The following SLC14A2 variants were observed in gnomAD, a reference collection of about 807,000 sequenced individuals.
The protein encoded by SLC14A2 is urea transporter 2.
A neutral mutation model predicts 104.6 loss-of-function variants in SLC14A2; 91 were observed. That is an observed-to-expected ratio of 0.87 (90% CI 0.73 to 1.04). SLC14A2 has a LOEUF of 1.04. Among genes scored for constraint, SLC14A2 ranks in the 50% least tolerant of loss-of-function variants. The pLI, the probability that SLC14A2 is intolerant of heterozygous loss-of-function variation, is 0.00. For synonymous variants in SLC14A2, 476 were observed against 466.4 expected (o/e 1.02, Z -0.27); for missense variants, 1,189 against 1,156.0 (o/e 1.03, Z -0.41).
At position 45,682,581 on chromosome 18, in the gene SLC14A2, G is replaced by A; in HGVS notation, c.*62G>A. The A allele has an allele frequency of 1.5e-6, 2 of 1,379,228 alleles. No homozygotes were observed. Among genetic ancestry groups the A allele is most frequent in the Non-Finnish European group, 2.1e-6 (2 of 966,800 alleles). The allele number at this position is 1,379,228 out of a possible 1,614,324, so 85.4% of individuals were successfully genotyped here. ...CTTCAGCACGCCGTCCAGATCCCCA[G>A]GATAAGAGACCACTTAGCCTTCCCT... On this transcript the variant is annotated 3_prime_UTR_variant, in exon 20 of 20. Transcript: ENST00000255226.
At chr18:45,357,722 C>A (rs937738571) in intron 1 of SLC14A2, among the ~76,000 whole-genome samples, 1 of 152,132 alleles carries the variant, frequency 6.6e-6, no homozygotes, top group South Asian at 2.1e-4. Flanking sequence ...TGAGCCATCC[C>A]TCCAGGGCTC....
At chr18:45,384,628 G>C (rs2430887) in intron 1 of SLC14A2, among the ~76,000 whole-genome samples, 1 of 150,882 alleles carries the variant, frequency 6.6e-6, no homozygotes, top group Non-Finnish European at 1.5e-5. Context: ...AACTACCCCC[G>C]CCCCCAACCA....
At chr18:45,673,656 A>T (rs779368408) in intron 17 of SLC14A2, 27 bp from the exon 18 acceptor site, 7 of 1,611,440 alleles carry the variant, frequency 4.3e-6, no homozygotes, top group Non-Finnish European at 5.9e-6. Flanking sequence ...CCCTAGACCC[A>T]ACCCTGATGC....
intron 2 of SLC14A2, among the ~76,000 whole-genome samples, chr18:45,587,846 A>T (rs1345242986): frequency 6.6e-6 from 1 of 152,202 alleles, no homozygotes; most frequent in African/African-American, 2.4e-5. Context: ...TGTTGAAAAA[A>T]ACGCAGAGGG....
At chr18:45,630,713 A>AT (rs2045330111) in intron 4 of SLC14A2, among the ~76,000 whole-genome samples, 1 of 152,076 alleles carries the variant, frequency 6.6e-6, no homozygotes, top group Non-Finnish European at 1.5e-5. Flanking sequence ...AAAAATAATG[A>AT]TTTTCCCAAA....
chr18:45,558,468 T>C (rs984415642), intron 2 of SLC14A2, among the ~76,000 whole-genome samples: 6 of 152,202 alleles, frequency 3.9e-5, no homozygotes, highest in Non-Finnish European at 7.3e-5. Context: ...TGGGAGCTCA[T>C]ACTGGACTGT....
intron 1 of SLC14A2, among the ~76,000 whole-genome samples, chr18:45,253,088 T>G (rs1292844374): frequency 1.3e-5 from 2 of 152,190 alleles, no homozygotes; most frequent in African/African-American, 4.8e-5. Context: ...TAATCCCTTC[T>G]GCATCCGAAT....
the SLC14A2 span, among the ~76,000 whole-genome samples, chr18:45,179,162 C>T: frequency 4.6e-5 from 7 of 152,174 alleles, no homozygotes; most frequent in East Asian, 1.3e-3. Flanking sequence ...CCATTCCACC[C>T]TTATCAATTT....
intron 6 of SLC14A2, among the ~76,000 whole-genome samples, chr18:45,638,596 G>A (rs2045464524): frequency 6.6e-6 from 1 of 152,094 alleles, no homozygotes; most frequent in Admixed American, 6.5e-5. Context: ...GGGAAGAGCT[G>A]GGCATCAGTA....
chr18:45,523,181 C>A (rs530985761), intron 2 of SLC14A2, among the ~76,000 whole-genome samples: 4 of 78,702 alleles, frequency 5.1e-5, no homozygotes, highest in Non-Finnish European at 1.0e-4. Flanking sequence ...GAGGGAAATG[C>A]CAAGAAAGTT....
chr18:45,384,454 G>A (rs2085872265), intron 1 of SLC14A2, among the ~76,000 whole-genome samples: 1 of 152,126 alleles, frequency 6.6e-6, no homozygotes, highest in South Asian at 2.1e-4. Flanking sequence ...TTCTCAGTAG[G>A]AATAAGCCCA....
At chr18:45,203,384 T>C in the SLC14A2 span, among the ~76,000 whole-genome samples, 1 of 152,222 alleles carries the variant, frequency 6.6e-6, no homozygotes, top group Non-Finnish European at 1.5e-5. Flanking sequence ...CAGGCGGAAC[T>C]GTGGGGTAAG....
chr18:45,238,727 G>A (rs1321846124), intron 1 of SLC14A2, among the ~76,000 whole-genome samples: 1 of 152,192 alleles, frequency 6.6e-6, no homozygotes, highest in Non-Finnish European at 1.5e-5. Flanking sequence ...AGAAAATTAA[G>A]GAATTTCAGG....
chr18:45,264,289 G>GT (rs2084569853), intron 1 of SLC14A2, among the ~76,000 whole-genome samples: 1 of 152,080 alleles, frequency 6.6e-6, no homozygotes. Flanking sequence ...AAAAGGAACA[G>GT]TTTTTACCAA....
chr18:45,354,610 T>G (rs948511118), intron 1 of SLC14A2, among the ~76,000 whole-genome samples: 2 of 152,244 alleles, frequency 1.3e-5, no homozygotes, highest in African/African-American at 2.4e-5. Context: ...ATACCAGAGC[T>G]GGTGATGCTT....
intron 1 of SLC14A2, among the ~76,000 whole-genome samples, chr18:45,239,359 G>A (rs781345354): frequency 2.0e-5 from 3 of 152,222 alleles, no homozygotes; most frequent in African/African-American, 4.8e-5. Context: ...TTGTTGATAT[G>A]AATTTTCCCA....
intron 18 of SLC14A2, 44 bp downstream of exon 18, chr18:45,673,861 T>G: frequency 6.3e-7 from 1 of 1,590,474 alleles, no homozygotes; most frequent in South Asian, 1.1e-5. Context: ...ATAAAAGGCT[T>G]TTTACATAAA....
chr18:45,614,204 T>C (rs1405173050), upstream of SLC14A2, among the ~76,000 whole-genome samples: 1 of 152,142 alleles, frequency 6.6e-6, no homozygotes, highest in African/African-American at 2.4e-5. Flanking sequence ...TTCCATGTGG[T>C]GTTGAGCCTG....
intron 2 of SLC14A2, among the ~76,000 whole-genome samples, chr18:45,545,599 C>T (rs1449484547): frequency 6.6e-6 from 1 of 152,178 alleles, no homozygotes; most frequent in East Asian, 1.9e-4. Flanking sequence ...CCATGATATT[C>T]AGTATTGTCA....
Sources: allele counts gnomAD v4.1 joint callset (sites outside exome capture counted in the v4.1 genomes callset), GRCh38; gene constraint gnomAD v4.1.1; transcripts MANE v1.5; gene names NCBI Gene and HGNC (gene_info 2026-07-23, HGNC 2026-07-21).